PLEKHG3: variants seen among roughly 807,000 people sequenced by gnomAD.
PLEKHG3 encodes the protein pleckstrin homology domain-containing family G member 3.
Under a neutral mutation model 94.9 loss-of-function variants are expected in PLEKHG3, and 62 were observed. The ratio of observed to expected loss-of-function variants is 0.65; its 90% CI spans 0.53 to 0.81. The LOEUF (loss-of-function observed/expected upper bound fraction) is 0.81, where lower values mean the gene tolerates loss of function less well. Among genes scored for constraint, PLEKHG3 ranks in the 30% least tolerant of loss-of-function variants. The pLI is 0.00. For synonymous variants in PLEKHG3, 614 were observed against 654.0 expected, an observed-to-expected ratio of 0.94 and a Z score of 0.93; for missense variants, 1,461 against 1,619.3, an observed-to-expected ratio of 0.90 and a Z score of 1.68.
At position 64,729,674 on chromosome 14, in the gene PLEKHG3, G is replaced by A. The variant is rs766718547; in HGVS notation, c.450-569G>A. On this transcript the variant is annotated intron_variant, in intron 3 of 16. Transcript: ENST00000247226. ...CAGCGGTGCTAGGACAGGAAGAATC[G>A]TATCCCAGGCCCCTTAAGATGGGCA... is the stretch of plus-strand genomic sequence containing the variant. 3.3e-5 allele frequency among the ~76,000 whole-genome samples: 5 copies of A among 152,184 alleles called. No homozygotes were observed. In the East Asian group the frequency reaches 7.7e-4, roughly 23 times the overall value.
At position 64,731,096 on chromosome 14, in the gene PLEKHG3, T is replaced by C. The variant is rs1336175444; in HGVS notation, c.776T>C (p.Ile259Thr). 3.1e-6 allele frequency: 5 copies of C among 1,613,532 alleles called. No homozygotes were observed. The highest frequency in any genetic ancestry group is 1.3e-5 in the African/African-American group (1 of 75,030). Residue 259 changes from isoleucine (I) to threonine (T), a missense_variant, in exon 7 of 17, where the codon ATT (isoleucine) becomes ACT (threonine). Transcript: ENST00000247226. The surrounding 1 kb of genome is among the most constrained non-coding windows in gnomAD (Gnocchi z 6.1). Reference sequence around the variant, plus strand: ...GGCTTTGAGGTGGTGGAGGATGCCATTGACACCATGACCTGTGTGGCCTGG... The same window carrying C: ...GGCTTTGAGGTGGTGGAGGATGCCACTGACACCATGACCTGTGTGGCCTGG... ...EDGFEVVEDA[I>T]DTMTCVAWYI...
chr14:64,730,747 T>A lies in PLEKHG3; in HGVS notation c.567-52T>A, dbSNP rs376610818. The A allele has an allele frequency of 1.7e-4, 269 of 1,612,662 alleles. 1 individual carries two copies. In the African/African-American group the frequency reaches 3.2e-3, roughly 19 times the overall value. ...ATTTGGTGAGTCCAGAGCCCCCCAC[T>A]TCCTCATCCAGGCCTTCCCCAGGTG... On this transcript the variant is annotated intron_variant, in intron 5 of 16. Transcript: ENST00000247226. This position sits in a 1 kb window ranked among gnomAD's most constrained non-coding sequence, Gnocchi z 5.4.
intron 15 of PLEKHG3, among the ~76,000 whole-genome samples, chr14:64,740,073 T>C (rs1053532480): frequency 1.3e-5 from 2 of 152,234 alleles, no homozygotes; most frequent in South Asian, 2.1e-4. Context: ...GTTACTGATA[T>C]GTTTTATCCC....
At position 64,738,236 on chromosome 14, in the gene PLEKHG3, C is replaced by G; in HGVS notation, c.1405-506C>G. 1 of 1,282,242 alleles carries G rather than the reference C, an allele frequency of 7.8e-7. No homozygotes were observed. The highest frequency in any genetic ancestry group is 1.0e-6 in the Non-Finnish European group (1 of 983,730). 79.4% of individuals were successfully genotyped at this position (1,282,242 alleles called of 1,614,324 possible). On this transcript the variant is annotated intron_variant, in intron 14 of 16. Transcript: ENST00000247226. The surrounding 1 kb of genome is among the most constrained non-coding windows in gnomAD (Gnocchi z 4.8). Reference sequence around the variant, plus strand: ...CCCGGGGCGCTATGGTGAGGTGTCTCTTCGATCTCCCCTCCTCCTTGCATG... The same window carrying G: ...CCCGGGGCGCTATGGTGAGGTGTCTGTTCGATCTCCCCTCCTCCTTGCATG...
chr14:64,737,327 G>T lies in PLEKHG3; in HGVS notation c.1385-29G>T, dbSNP rs1369560755. 1.9e-6 allele frequency: 3 copies of T among 1,600,606 alleles called. No homozygotes were observed. The Admixed American group carries it at 5.1e-5, about 27-fold the overall frequency. On this transcript the variant is annotated intron_variant, in intron 13 of 16. Transcript: ENST00000247226. ...CCCCTCCCCTGCCCCTCGCCCGTGT[G>T]CTGGGGGACCCGGTGGTGATGTCTG...
chr14:64,736,289 T>C (rs2081566932), intron 12 of PLEKHG3, among the ~76,000 whole-genome samples: 1 of 152,240 alleles, frequency 6.6e-6, no homozygotes, highest in African/African-American at 2.4e-5. Context: ...CCCCAGAGCC[T>C]GGTCACTCTC....
At position 64,715,091 on chromosome 14, in the gene PLEKHG3, A is replaced by G. The variant is rs1013254687; in HGVS notation, c.-40+10387A>G. 2.0e-5 allele frequency among the ~76,000 whole-genome samples: 3 copies of G among 152,124 alleles called. No homozygotes were observed. Among genetic ancestry groups the G allele is most frequent in the Non-Finnish European group, 4.4e-5 (3 of 68,018 alleles). ...GAAGGCCTGTGTCTTGGGGTTGTCT[A>G]CTGCTGGTTACGTACTGTTTTTGGA... On this transcript the variant is annotated intron_variant, in intron 1 of 16. Transcript: ENST00000247226. The surrounding 1 kb of genome is among the most constrained non-coding windows in gnomAD (Gnocchi z 4.4).
rs2081131029 is a variant in PLEKHG3 at position 64,715,843 on chromosome 14, C to A, written c.-40+11139C>A. Reference sequence around the variant, plus strand: ...GGAAGTTGCATTTCCTGGGCTAGGGCCCCCCAGCAATCAGGAATGAGAGAA... The same window carrying A: ...GGAAGTTGCATTTCCTGGGCTAGGGACCCCCAGCAATCAGGAATGAGAGAA... On this transcript the variant is annotated intron_variant, in intron 1 of 16. Coordinates refer to ENST00000247226, the MANE Select transcript of PLEKHG3 (RefSeq NM_001308147.2). The surrounding 1 kb of genome is among the most constrained non-coding windows in gnomAD (Gnocchi z 4.4). 5.8e-6 allele frequency: 2 copies of A among 342,958 alleles called. No homozygotes were observed. The highest frequency in any genetic ancestry group is 7.8e-5 in the Admixed American group (2 of 25,616). The allele number at this position is 342,958 out of a possible 1,614,324, so 21.2% of individuals were successfully genotyped here. A position where few individuals can be genotyped will look rare whatever the true frequency, so the allele number is the denominator to read the frequency against.
At chr14:64,742,936 C>T (rs2081738108) in intron 16 of PLEKHG3, 46 bp from the exon 17 acceptor site, 1 of 1,608,140 alleles carries the variant, frequency 6.2e-7, no homozygotes, top group Non-Finnish European at 8.5e-7. Context: ...CCTTGCAGCT[C>T]TGCCCTCCCG....
chr14:64,746,317 A>G lies in PLEKHG3; in HGVS notation c.*2614A>G, dbSNP rs1295253739. Reference sequence around the variant, plus strand: ...ATTGATTTATTAGAAAAACTAGTAAATGGGTTTCCTCTGGTTGGTGGAAGC... The same window carrying G: ...ATTGATTTATTAGAAAAACTAGTAAGTGGGTTTCCTCTGGTTGGTGGAAGC... On this transcript the variant is annotated 3_prime_UTR_variant, in exon 17 of 17. Transcript: ENST00000247226. The surrounding 1 kb of genome is among the most constrained non-coding windows in gnomAD (Gnocchi z 4.9). The G allele has an allele frequency of 1.3e-5, 2 of 152,456 alleles. No individual in the cohort carries two copies. Among genetic ancestry groups the G allele is most frequent in the African/African-American group, 2.4e-5 (1 of 41,442 alleles). The allele number at this position is 152,456 out of a possible 1,614,324, so 9.4% of individuals were successfully genotyped here. A position where few individuals can be genotyped will look rare whatever the true frequency, so the allele number is the denominator to read the frequency against.
At position 64,746,082 on chromosome 14, in the gene PLEKHG3, C is replaced by T. The variant is rs1218660877; in HGVS notation, c.*2379C>T. On this transcript the variant is annotated 3_prime_UTR_variant, in exon 17 of 17. Transcript: ENST00000247226. The surrounding 1 kb of genome is among the most constrained non-coding windows in gnomAD (Gnocchi z 4.9). ...ATGATTTTGCCCTACAGTAGGCCTT[C>T]AAGTTGATCAAATGCATGAATGAGC... is the stretch of plus-strand genomic sequence containing the variant. 1 of 152,188 alleles carries T rather than the reference C, an allele frequency of 6.6e-6. No homozygotes were observed. The highest frequency in any genetic ancestry group is 1.5e-5 in the Non-Finnish European group (1 of 68,092). The allele number at this position is 152,188 out of a possible 1,614,324, so 9.4% of individuals were successfully genotyped here.
intron 12 of PLEKHG3, among the ~76,000 whole-genome samples, chr14:64,733,419 C>T (rs990858044): frequency 3.3e-5 from 5 of 152,106 alleles, no homozygotes; most frequent in Non-Finnish European, 7.4e-5. Flanking sequence ...CCGCCCGTCT[C>T]GGACTCCCAA....
In PLEKHG3 at chr14:64,748,304, G is replaced by A. The variant is rs949955166; in HGVS notation, c.*4601G>A. ...GGCTTTGGGATGCTTTACTGCAGGT[G>A]CGGGGGGTATCCATCTTATATCTGG... On this transcript the variant is annotated 3_prime_UTR_variant, in exon 17 of 17. Transcript: ENST00000247226. The A allele has an allele frequency of 2.6e-5, 4 of 152,268 alleles. No individual in the cohort carries two copies. The highest frequency in any genetic ancestry group is 9.6e-5 in the African/African-American group (4 of 41,456). 9.4% of individuals were successfully genotyped at this position (152,268 alleles called of 1,614,324 possible).
rs772726380 is a variant in PLEKHG3 at position 64,738,863 on chromosome 14, A to AC, written c.1518+10dup. On this transcript the variant is annotated intron_variant, in intron 15 of 16. Transcript: ENST00000247226. This position sits in a 1 kb window ranked among gnomAD's most constrained non-coding sequence, Gnocchi z 4.8. ...ATTTCTTCCCTGCCAGAGGTGAGCGACCAGCAGGTGGGATGGGGATAGTAG... is the reference window on the plus strand; with the variant it reads ...ATTTCTTCCCTGCCAGAGGTGAGCGACCCAGCAGGTGGGATGGGGATAGTAG... The AC allele has an allele frequency of 6.5e-7, 1 of 1,536,972 alleles. No individual in the cohort carries two copies. Among genetic ancestry groups the AC allele is most frequent in the South Asian group, 1.2e-5 (1 of 84,624 alleles).
rs1178977877 is a variant in PLEKHG3, at chr14:64,741,808, A to G, written c.2291A>G (p.Asp764Gly). ...ISRFNSLPRP[D>G]PEPVPPVGSK... The stretch of plus-strand genomic sequence containing the variant: ...AGGTTCAACAGCCTTCCCCGGCCAG[A>G]CCCAGAGCCAGTACCTCCAGTGGGG... Residue 764 changes from aspartate (D) to glycine (G), a missense_variant, in exon 16 of 17, where the codon GAC (aspartate) becomes GGC (glycine). Coordinates refer to ENST00000247226, the MANE Select transcript of PLEKHG3 (RefSeq NM_001308147.2). 6.2e-7 allele frequency: 1 copy of G among 1,613,524 alleles called. No homozygotes were observed. Among genetic ancestry groups the G allele is most frequent in the South Asian group, 1.1e-5 (1 of 91,086 alleles).
chr14:64,743,691 C>T lies in PLEKHG3; in HGVS notation c.3648C>T (p.Asn1216=). 5 of 1,556,924 alleles carry T rather than the reference C, an allele frequency of 3.2e-6. No homozygotes were observed. Among genetic ancestry groups the T allele is most frequent in the Non-Finnish European group, 4.3e-6 (5 of 1,153,522 alleles). ...RNLREKFQAL[N]SVG ...TTAGAGAGAAGTTCCAGGCCTTGAACTCTGTCGGTTGATGCTGACTCCTGG... is the reference window on the plus strand; with the variant it reads ...TTAGAGAGAAGTTCCAGGCCTTGAATTCTGTCGGTTGATGCTGACTCCTGG... Residue 1216 remains asparagine, a synonymous_variant, in exon 17 of 17, where the codon AAC becomes AAT. Coordinates refer to ENST00000247226, the MANE Select transcript of PLEKHG3 (RefSeq NM_001308147.2). The surrounding 1 kb of genome is among the most constrained non-coding windows in gnomAD (Gnocchi z 7.2).
chr14:64,749,089 C>T lies in PLEKHG3; in HGVS notation c.*5386C>T, dbSNP rs2081897934. 1 of 497,434 alleles carries T rather than the reference C, an allele frequency of 2.0e-6. No homozygotes were observed. The allele number at this position is 497,434 out of a possible 1,614,324, so 30.8% of individuals were successfully genotyped here. The stretch of plus-strand genomic sequence containing the variant: ...GCCAGAGGAGCTGGGAGCCCCTGTC[C>T]CTGGAGCGGAGCCAGCGCGGGCGAG... On this transcript the variant is annotated 3_prime_UTR_variant, in exon 17 of 17. Transcript: ENST00000247226. The surrounding 1 kb of genome is among the most constrained non-coding windows in gnomAD (Gnocchi z 4.7).
At chr14:64,705,741 C>T (rs2140293059) in intron 1 of PLEKHG3, among the ~76,000 whole-genome samples, 1 of 152,328 alleles carries the variant, frequency 6.6e-6, no homozygotes, top group East Asian at 1.9e-4. Context: ...GGCCACCTCG[C>T]CTTCAGCAGT....
intron 1 of PLEKHG3, among the ~76,000 whole-genome samples, chr14:64,714,638 T>G (rs372624789): frequency 6.6e-6 from 1 of 152,038 alleles, no homozygotes; most frequent in African/African-American, 2.4e-5. Flanking sequence ...TGAATTTGAG[T>G]AGTCTTCTTT....
Sources: allele counts gnomAD v4.1 joint callset (sites outside exome capture counted in the v4.1 genomes callset), GRCh38; gene constraint gnomAD v4.1.1; non-coding constraint Gnocchi (gnomAD v3.1); transcripts MANE v1.5; gene names NCBI Gene and HGNC (gene_info 2026-07-23, HGNC 2026-07-21).